The following ATP1B3 variants were observed in gnomAD, a reference collection of about 807,000 sequenced individuals.
The protein encoded by ATP1B3 is ATPase Na+/K+ transporting subunit beta 3.
Under a neutral mutation model 30.2 loss-of-function variants are expected in ATP1B3, and 10 were observed. The observed-to-expected ratio is 0.33, with a 90% CI of 0.20 to 0.56. The LOEUF (loss-of-function observed/expected upper bound fraction) is 0.56. Among genes scored for constraint, ATP1B3 ranks in the 20% least tolerant of loss-of-function variants. The probability of loss-of-function intolerance (pLI) is 0.90; values close to 1 mark genes in which losing one functional copy is unlikely to be tolerated. For synonymous variants in ATP1B3, 113 were observed against 117.0 expected, an observed-to-expected ratio of 0.97 and a Z score of 0.22; for missense variants, 238 against 336.7, an observed-to-expected ratio of 0.71 and a Z score of 2.29.
At chr3:141,881,204 CA>C (rs112675926) in intron 1 of ATP1B3, among the ~76,000 whole-genome samples, 241 of 117,134 alleles carry the variant, frequency 2.1e-3, no homozygotes, top group Non-Finnish European at 2.3e-3. Flanking sequence ...ACTCCACCTC[CA>C]AAAAAAAAAA....
At chr3:141,912,406 C>G (rs968019893) in intron 3 of ATP1B3, among the ~76,000 whole-genome samples, 1 of 152,028 alleles carries the variant, frequency 6.6e-6, no homozygotes, top group Non-Finnish European at 1.5e-5. Context: ...TTACAGGCAC[C>G]TGCCACCGCA....
intron 1 of ATP1B3, among the ~76,000 whole-genome samples, chr3:141,891,184 TTGA>T (rs1428957080): frequency 6.6e-6 from 1 of 152,248 alleles, no homozygotes; most frequent in Non-Finnish European, 1.5e-5. Context: ...TATTGTTTTG[TTGA>T]TCTGTATCTT....
chr3:141,897,727 T>G (rs953424641), intron 1 of ATP1B3, among the ~76,000 whole-genome samples: 1 of 152,216 alleles, frequency 6.6e-6, no homozygotes, highest in African/African-American at 2.4e-5. Context: ...TGTTTTATTT[T>G]GAGACAGAGT....
chr3:141,892,666 A>AAC (rs1933978313), intron 1 of ATP1B3, among the ~76,000 whole-genome samples: 1 of 151,588 alleles, frequency 6.6e-6, no homozygotes. Flanking sequence ...AAAAAAAAAA[A>AAC]AAAAAAAAAA....
intron 1 of ATP1B3, among the ~76,000 whole-genome samples, chr3:141,880,068 C>T (rs552889638): frequency 7.2e-5 from 11 of 152,022 alleles, no homozygotes; most frequent in Admixed American, 3.9e-4. Context: ...TATTTTTACA[C>T]ATTTAAGTCT....
chr3:141,924,424 G>A (rs113687734), intron 6 of ATP1B3, among the ~76,000 whole-genome samples: 19,068 of 151,422 alleles, frequency 0.13, 1,521 homozygotes, highest in Middle Eastern at 0.18. Context: ...GGATCATCTG[G>A]GGTCAGGAGT....
At chr3:141,925,391 A>G (rs900539323) in intron 6 of ATP1B3, 140 bp from the exon 7 acceptor site, 43 of 803,226 alleles carry the variant, frequency 5.4e-5, no homozygotes, top group South Asian at 1.5e-4. Flanking sequence ...TGAGGCTTCA[A>G]TGAGCCATAA....
At chr3:141,878,921 G>C (rs1047785596) in intron 1 of ATP1B3, among the ~76,000 whole-genome samples, 6 of 152,180 alleles carry the variant, frequency 3.9e-5, no homozygotes, top group Non-Finnish European at 8.8e-5. Flanking sequence ...AGCTTGCCAG[G>C]CTGTGTATCC....
At position 141,905,391 on chromosome 3, in the gene ATP1B3, G is replaced by A. The variant is rs76679912; in HGVS notation, c.238+1643G>A. ...CAGGGATGTTGCTAAACATCCTACA[G>A]TGCATAGGGCAACCCCCACAACAAA... On this transcript the variant is annotated intron_variant, in intron 2 of 6. Coordinates refer to ENST00000286371, the MANE Select transcript of ATP1B3 (RefSeq NM_001679.4). Among the ~76,000 whole-genome samples the A allele has an allele frequency of 6.1e-3, 934 of 152,234 alleles. 9 individuals carry two copies. The highest frequency in any genetic ancestry group is 0.021 in the African/African-American group (882 of 41,520).
chr3:141,894,104 A>G (rs1934012623), intron 1 of ATP1B3, among the ~76,000 whole-genome samples: 1 of 152,228 alleles, frequency 6.6e-6, no homozygotes, highest in Non-Finnish European at 1.5e-5. Flanking sequence ...CAGTAAAAAT[A>G]CCATGTAAAC....
intron 1 of ATP1B3, among the ~76,000 whole-genome samples, chr3:141,882,881 C>T (rs560095664): frequency 1.0e-3 from 152 of 152,284 alleles, no homozygotes; most frequent in African/African-American, 3.2e-3. Context: ...CCACCGCGCC[C>T]GGCCTCATGA....
Position 141,886,079 on chromosome 3 carries a change from T to C in ATP1B3, c.109+9169T>C, listed in dbSNP as rs1005525183. On this transcript the variant is annotated intron_variant, in intron 1 of 6. Coordinates refer to ENST00000286371, the MANE Select transcript of ATP1B3 (RefSeq NM_001679.4). Reference sequence around the variant, plus strand: ...GGCAGCAGCTTTGATCATATTACCTTCTGTACCCCAAAACTGTGTTTGGGT... The same window carrying C: ...GGCAGCAGCTTTGATCATATTACCTCCTGTACCCCAAAACTGTGTTTGGGT... 3.9e-4 allele frequency among the ~76,000 whole-genome samples: 59 copies of C among 152,212 alleles called. 1 individual carries two copies. Among genetic ancestry groups the C allele is most frequent in the Non-Finnish European group, 4.4e-5 (3 of 68,034 alleles).
At chr3:141,894,880 TTAAG>T (rs1413143443) in intron 1 of ATP1B3, among the ~76,000 whole-genome samples, 6 of 152,238 alleles carry the variant, frequency 3.9e-5, no homozygotes, top group Admixed American at 2.6e-4. Flanking sequence ...ATTATCATTA[TTAAG>T]TATTATGCAT....
rs189868262 is a variant in ATP1B3 at position 141,881,002 on chromosome 3, G to C, written c.109+4092G>C. The stretch of plus-strand genomic sequence containing the variant: ...GGCGGATCACCTGAAGTCAGAGTTC[G>C]AGACCAGCCTGGCCAACATGGCGAA... On this transcript the variant is annotated intron_variant, in intron 1 of 6. Transcript: ENST00000286371. Among the ~76,000 whole-genome samples, 1,296 of 152,214 alleles carry C rather than the reference G, an allele frequency of 8.5e-3. 57 individuals are homozygous for C. Among genetic ancestry groups the C allele is most frequent in the Admixed American group, 0.077 (1,180 of 15,288 alleles).
intron 1 of ATP1B3, among the ~76,000 whole-genome samples, chr3:141,890,916 G>A (rs1310903574): frequency 6.6e-6 from 1 of 152,148 alleles, no homozygotes; most frequent in East Asian, 1.9e-4. Flanking sequence ...GATACACTTT[G>A]AATATTAAGC....
intron 3 of ATP1B3, among the ~76,000 whole-genome samples, chr3:141,908,127 G>T (rs1447124577): frequency 7.0e-6 from 1 of 143,628 alleles, no homozygotes; most frequent in African/African-American, 2.6e-5. Context: ...TGCACAACGT[G>T]CAGGTTTCCA....
chr3:141,901,136 T>C (rs1028155472), intron 1 of ATP1B3, among the ~76,000 whole-genome samples: 2 of 152,176 alleles, frequency 1.3e-5, no homozygotes, highest in Non-Finnish European at 2.9e-5. Flanking sequence ...GATTTTAAAC[T>C]AGCTAGGGAA....
At chr3:141,902,067 T>C in intron 1 of ATP1B3, 1 of 1,149,470 alleles carries the variant, frequency 8.7e-7, no homozygotes, top group Non-Finnish European at 1.2e-6. Context: ...GGGCTTTCTG[T>C]GTGTTTCATT....
At chr3:141,920,616 T>C (rs1279040605) in intron 5 of ATP1B3, among the ~76,000 whole-genome samples, 2 of 152,044 alleles carry the variant, frequency 1.3e-5, no homozygotes, top group Non-Finnish European at 2.9e-5. Flanking sequence ...TTTGCGGAAA[T>C]GTGTTCTGTG....
Sources: gnomAD v4.1 joint callset for allele counts (sites outside exome capture counted in the v4.1 genomes callset) on GRCh38, gnomAD v4.1.1 for gene constraint, MANE v1.5 for transcripts, NCBI Gene and HGNC (gene_info 2026-07-23, HGNC 2026-07-21) for gene names.